FRMD4B: variants seen among roughly 807,000 people sequenced by gnomAD.
FRMD4B encodes the protein FERM domain containing 4B.
Under a neutral mutation model 141.5 loss-of-function variants are expected in FRMD4B, and 74 were observed. That is an observed-to-expected ratio of 0.52 (90% confidence interval 0.43 to 0.63). The LOEUF (loss-of-function observed/expected upper bound fraction) is 0.63. Ranked by LOEUF, FRMD4B falls within the 30% of genes least tolerant of loss-of-function variation. FRMD4B has a pLI of 0.00. For missense variants in FRMD4B, 1,366 were observed against 1,253.4 expected, an observed-to-expected ratio of 1.09 and a Z score of -1.36; for synonymous variants, 506 against 467.9, an observed-to-expected ratio of 1.08 and a Z score of -1.05.
chr3:69,372,531 G>T (rs1306086638), intron 1 of FRMD4B, among the ~76,000 whole-genome samples: 1 of 152,258 alleles, frequency 6.6e-6, no homozygotes, highest in South Asian at 2.1e-4. Flanking sequence ...TGGGCGTGGT[G>T]GCACGCACCT....
intron 2 of FRMD4B, among the ~76,000 whole-genome samples, chr3:69,422,269 T>C (rs1192894100): frequency 1.3e-5 from 2 of 151,978 alleles, no homozygotes; most frequent in African/African-American, 4.8e-5. Context: ...GGCATGTGCC[T>C]GTAGTCCCAG....
intron 1 of FRMD4B, among the ~76,000 whole-genome samples, chr3:69,354,106 C>G (rs1343608426): frequency 6.6e-6 from 1 of 152,144 alleles, no homozygotes; most frequent in South Asian, 2.1e-4. Context: ...AGCTTTTCCA[C>G]TCAGAAAGAA....
At chr3:69,417,691 T>C (rs1704894071) in intron 2 of FRMD4B, among the ~76,000 whole-genome samples, 1 of 152,262 alleles carries the variant, frequency 6.6e-6, no homozygotes, top group Non-Finnish European at 1.5e-5. Flanking sequence ...ATCGCCATTA[T>C]ATTAATTTCA....
At chr3:69,313,326 G>C in intron 2 of FRMD4B, 126 bp downstream of exon 2, 2 of 726,428 alleles carry the variant, frequency 2.8e-6, no homozygotes, top group East Asian at 2.7e-5. Flanking sequence ...TTGAGGCAAA[G>C]ATAACAGAGA....
At chr3:69,377,433 T>A (rs1205400297) in intron 1 of FRMD4B, among the ~76,000 whole-genome samples, 1 of 152,194 alleles carries the variant, frequency 6.6e-6, no homozygotes, top group Non-Finnish European at 1.5e-5. Context: ...ATCTCACTCT[T>A]CACTTTCTTC....
intron 2 of FRMD4B, among the ~76,000 whole-genome samples, chr3:69,427,875 C>T (rs895614457): frequency 6.6e-5 from 10 of 151,708 alleles, no homozygotes; most frequent in Non-Finnish European, 1.0e-4. Flanking sequence ...AGGCTGGTCT[C>T]GAACTCCTGA....
intron 13 of FRMD4B, 73 bp downstream of exon 13, chr3:69,196,827 G>T: frequency 8.8e-7 from 1 of 1,137,472 alleles, no homozygotes; most frequent in Admixed American, 2.7e-5. Flanking sequence ...TGCATCTTTT[G>T]TGAGAAGGCT....
chr3:69,454,391 C>A (rs146338030), intron 1 of FRMD4B, among the ~76,000 whole-genome samples: 8 of 152,228 alleles, frequency 5.3e-5, no homozygotes, highest in East Asian at 1.9e-4. Flanking sequence ...TCTCTCTGGG[C>A]TGGTTGAGGC....
intron 1 of FRMD4B, among the ~76,000 whole-genome samples, chr3:69,471,073 A>C (rs1236774485): frequency 1.3e-5 from 2 of 152,214 alleles, no homozygotes; most frequent in Non-Finnish European, 2.9e-5. Flanking sequence ...ATGGCATAAG[A>C]GTTATCTTCC....
At chr3:69,250,707 C>G (rs2093459191) in intron 5 of FRMD4B, among the ~76,000 whole-genome samples, 1 of 150,118 alleles carries the variant, frequency 6.7e-6, no homozygotes, top group South Asian at 2.1e-4. Context: ...GTTCGAGGAA[C>G]TCTAATTTAT....
chr3:69,331,145 C>T (rs762156076), intron 1 of FRMD4B, among the ~76,000 whole-genome samples: 2 of 152,188 alleles, frequency 1.3e-5, no homozygotes, highest in Non-Finnish European at 2.9e-5. Flanking sequence ...TCCTCTTAAA[C>T]AGTATTTCTG....
intron 2 of FRMD4B, among the ~76,000 whole-genome samples, chr3:69,424,396 C>A (rs1052039515): frequency 1.3e-5 from 2 of 152,146 alleles, no homozygotes; most frequent in Non-Finnish European, 2.9e-5. Flanking sequence ...TGGACTCAAG[C>A]GATCTTCCCG....
intron 1 of FRMD4B, among the ~76,000 whole-genome samples, chr3:69,517,625 T>C (rs1272776894): frequency 6.6e-6 from 1 of 152,184 alleles, no homozygotes; most frequent in Non-Finnish European, 1.5e-5. Context: ...GTGACAATGC[T>C]ACCCTCCAGG....
At chr3:69,372,824 TATTC>T (rs1195676914) in intron 1 of FRMD4B, among the ~76,000 whole-genome samples, 1 of 152,220 alleles carries the variant, frequency 6.6e-6, no homozygotes, top group African/African-American at 2.4e-5. Flanking sequence ...CATACATAAA[TATTC>T]ATTTATTTTT....
intron 1 of FRMD4B, among the ~76,000 whole-genome samples, chr3:69,365,812 A>G (rs1432349593): frequency 6.6e-6 from 1 of 152,078 alleles, no homozygotes; most frequent in Admixed American, 6.6e-5. Flanking sequence ...AATTTTCGGA[A>G]AACCAAATTC....
In FRMD4B at chr3:69,222,302, C is replaced by T. The variant is rs193062066; in HGVS notation, c.666-379G>A. 1.8e-3 allele frequency among the ~76,000 whole-genome samples: 274 copies of T among 151,882 alleles called. 3 individuals carry two copies. The highest frequency in any genetic ancestry group is 6.2e-3 in the African/African-American group (255 of 41,434). On this transcript the variant is annotated intron_variant, in intron 8 of 22. Transcript: ENST00000398540. The stretch of plus-strand genomic sequence containing the variant: ...CTAACACAGTGAAACCCCATCTCTA[C>T]TAAAAATACAAAAAATTAGCTGAGT...
intron 1 of FRMD4B, among the ~76,000 whole-genome samples, chr3:69,442,027 C>A (rs893226477): frequency 6.6e-6 from 1 of 151,982 alleles, no homozygotes; most frequent in Non-Finnish European, 1.5e-5. Flanking sequence ...ACCATTTATC[C>A]ATTTACAAAT....
chr3:69,254,851 TGTGGC>T (rs2093483684), intron 5 of FRMD4B, among the ~76,000 whole-genome samples: 1 of 152,042 alleles, frequency 6.6e-6, no homozygotes, highest in Non-Finnish European at 1.5e-5. Flanking sequence ...CACACCATGG[TGTGGC>T]ATTCCTGTCA....
At chr3:69,426,391 C>T (rs1705078657) in intron 2 of FRMD4B, among the ~76,000 whole-genome samples, 1 of 151,922 alleles carries the variant, frequency 6.6e-6, no homozygotes, top group African/African-American at 2.4e-5. Context: ...ATTCAAAAGA[C>T]AGTCAACAGA....
Sources: allele counts gnomAD v4.1 joint callset (sites outside exome capture counted in the v4.1 genomes callset), GRCh38; gene constraint gnomAD v4.1.1; transcripts MANE v1.5; gene names NCBI Gene and HGNC (gene_info 2026-07-23, HGNC 2026-07-21).